Variants in KIAA0586 observed in about 807,000 individuals in gnomAD.
KIAA0586 encodes the protein KIAA0586.
KIAA0586 carries 144 observed loss-of-function variants against 169.8 expected under a neutral mutation model. That is an observed-to-expected ratio of 0.85 (90% CI 0.74 to 0.97). The LOEUF is 0.97. Ranked by LOEUF, KIAA0586 falls within the 50% of genes least tolerant of loss-of-function variation. KIAA0586 has a pLI of 0.00. For synonymous variants in KIAA0586, 625 were observed against 612.4 expected, an observed-to-expected ratio of 1.02 and a Z score of -0.30; for missense variants, 1,854 against 1,823.0, an observed-to-expected ratio of 1.02 and a Z score of -0.31.
chr14:58,533,263 A>T (rs1212348219), intron 29 of KIAA0586, among the ~76,000 whole-genome samples: 1 of 152,246 alleles, frequency 6.6e-6, no homozygotes, highest in East Asian at 1.9e-4. Context: ...AGTTTCCTGA[A>T]ATAGCTTAGC....
At position 58,548,838 on chromosome 14, in the gene KIAA0586, G is replaced by A. The variant is rs898045444; in HGVS notation, c.*906G>A. 3 of 152,274 alleles carry A rather than the reference G, an allele frequency of 2.0e-5. No individual in the cohort carries two copies. Among genetic ancestry groups the A allele is most frequent in the Admixed American group, 6.5e-5 (1 of 15,296 alleles). 9.4% of individuals were successfully genotyped at this position (152,274 alleles called of 1,614,324 possible). The stretch of plus-strand genomic sequence containing the variant: ...ATTGCTTCGTAATCAGATACATGTA[G>A]GTTCTAATCCCAATTCTGTAACTTC... On this transcript the variant is annotated 3_prime_UTR_variant, in exon 31 of 31. Transcript: ENST00000652326.
intron 29 of KIAA0586, among the ~76,000 whole-genome samples, chr14:58,523,242 A>G (rs1292135989): frequency 1.3e-5 from 2 of 152,160 alleles, no homozygotes; most frequent in African/African-American, 4.8e-5. Flanking sequence ...ATACAGAAGC[A>G]TTTTAATTGT....
chr14:58,555,766 A>C (rs567906630), downstream of KIAA0586, among the ~76,000 whole-genome samples: 29 of 152,232 alleles, frequency 1.9e-4, no homozygotes, highest in African/African-American at 6.7e-4. Context: ...TATGAAGAAA[A>C]TGTCTCTGTA....
chr14:58,486,248 C>T (rs2042428926), intron 21 of KIAA0586, among the ~76,000 whole-genome samples: 1 of 152,126 alleles, frequency 6.6e-6, no homozygotes, highest in South Asian at 2.1e-4. Context: ...TTATGGCCTC[C>T]AGCTCCATCC....
intron 3 of KIAA0586, among the ~76,000 whole-genome samples, chr14:58,431,110 G>C (rs1415816024): frequency 6.6e-6 from 1 of 152,020 alleles, no homozygotes; most frequent in Non-Finnish European, 1.5e-5. Flanking sequence ...CATTTATTAC[G>C]TAGTCTTATA....
Position 58,483,416 on chromosome 14 carries a change from A to T in KIAA0586, c.3144+704A>T, listed in dbSNP as rs545307183. Reference sequence around the variant, plus strand: ...TTACAGACATCTTTACCTCAGAAGCATCAGCAGTATCTCCACAGAACAAGT... The same window carrying T: ...TTACAGACATCTTTACCTCAGAAGCTTCAGCAGTATCTCCACAGAACAAGT... On this transcript the variant is annotated intron_variant, in intron 21 of 30. Transcript: ENST00000652326. 5.9e-5 allele frequency among the ~76,000 whole-genome samples: 9 copies of T among 152,336 alleles called. No homozygotes were observed. In the South Asian group the frequency reaches 1.9e-3, roughly 32 times the overall value.
Position 58,487,078 on chromosome 14 carries a change from G to A in KIAA0586, c.3216G>A (p.Glu1072=), listed in dbSNP as rs528416301. The A allele has an allele frequency of 5.0e-6, 8 of 1,613,566 alleles. No individual in the cohort carries two copies. The African/African-American group carries it at 5.3e-5, about 11-fold the overall frequency. Residue 1072 remains glutamate (E), a synonymous_variant, in exon 22 of 31, where the codon GAG becomes GAA. Coordinates refer to ENST00000652326, the MANE Select transcript of KIAA0586 (RefSeq NM_001329943.3). ...GCTCACCTTCATCACCTGCTAAGGAGTGTGTTTTGGTAAAGACTCCAGATT... is the reference window on the plus strand; with the variant it reads ...GCTCACCTTCATCACCTGCTAAGGAATGTGTTTTGGTAAAGACTCCAGATT... ...PPCSPSSPAK[E]CVLVKTPDSS...
chr14:58,560,232 G>T, the KIAA0586 span, among the ~76,000 whole-genome samples: 1 of 151,998 alleles, frequency 6.6e-6, no homozygotes, highest in African/African-American at 2.4e-5. Flanking sequence ...AGGTGATTCT[G>T]ATGGTTAGCT....
intron 30 of KIAA0586, among the ~76,000 whole-genome samples, chr14:58,543,688 A>G (rs1240635423): frequency 6.6e-6 from 1 of 152,152 alleles, no homozygotes; most frequent in Non-Finnish European, 1.5e-5. Flanking sequence ...AGTCAACCAA[A>G]TCTGTCATTT....
chr14:58,513,446 G>A (rs1025657871), intron 29 of KIAA0586, among the ~76,000 whole-genome samples: 1 of 152,004 alleles, frequency 6.6e-6, no homozygotes, highest in Non-Finnish European at 1.5e-5. Context: ...TGCATTTGGT[G>A]TTTTGGGAAG....
chr14:58,427,903 C>A lies in KIAA0586; in HGVS notation c.-362C>A. ...TAGCATTTCGCTTTTATTTGCTTGA[C>A]TGCCTCTTCTCAACAAATTTTAAGC... On this transcript the variant is annotated 5_prime_UTR_variant, in exon 1 of 31. It adds an upstream start codon to the 5' untranslated region. Transcript: ENST00000652326. The A allele has an allele frequency of 7.4e-7, 1 of 1,359,940 alleles. No individual in the cohort carries two copies. Among genetic ancestry groups the A allele is most frequent in the Non-Finnish European group, 9.6e-7 (1 of 1,037,104 alleles). The allele number at this position is 1,359,940 out of a possible 1,614,324, so 84.2% of individuals were successfully genotyped here. A position where few individuals can be genotyped will look rare whatever the true frequency, so the allele number is the denominator to read the frequency against.
intron 29 of KIAA0586, 162 bp from the exon 30 acceptor site, chr14:58,539,909 C>T (rs2046535660): frequency 1.2e-5 from 6 of 500,872 alleles, no homozygotes; most frequent in South Asian, 3.4e-5. Flanking sequence ...GTTTAACTTC[C>T]TTCTTTACAT....
intron 6 of KIAA0586, among the ~76,000 whole-genome samples, chr14:58,447,964 T>A (rs1303095301): frequency 6.6e-6 from 1 of 152,154 alleles, no homozygotes; most frequent in Admixed American, 6.5e-5. Flanking sequence ...AAAGATGGGA[T>A]GTTTTGGTTT....
chr14:58,553,310 C>G (rs2047228421), downstream of KIAA0586, among the ~76,000 whole-genome samples: 1 of 152,002 alleles, frequency 6.6e-6, no homozygotes, highest in Non-Finnish European at 1.5e-5. Context: ...TTGAGTGTTG[C>G]CTGGAGCTAG....
At chr14:58,451,039 A>G (rs1595148321) in intron 8 of KIAA0586, among the ~76,000 whole-genome samples, 2 of 127,810 alleles carry the variant, frequency 1.6e-5, no homozygotes, top group African/African-American at 6.2e-5. Context: ...CCCAGGCTGG[A>G]GTGCAGTGGT....
chr14:58,430,245 T>C (rs1379131312), intron 2 of KIAA0586, among the ~76,000 whole-genome samples: 3 of 152,136 alleles, frequency 2.0e-5, no homozygotes, highest in African/African-American at 7.2e-5. Context: ...TATTGTATAA[T>C]TGAGAATAAA....
At chr14:58,558,992 C>T in the KIAA0586 span, among the ~76,000 whole-genome samples, 1 of 152,190 alleles carries the variant, frequency 6.6e-6, no homozygotes, top group African/African-American at 2.4e-5. Context: ...AGTTCTTAGC[C>T]TTTGGATGCG....
At chr14:58,505,417 C>CCA (rs764830995) in intron 27 of KIAA0586, among the ~76,000 whole-genome samples, 3 of 152,142 alleles carry the variant, frequency 2.0e-5, no homozygotes, top group Non-Finnish European at 4.4e-5. Context: ...GAGTAAGTAT[C>CCA]CACACACACA....
At position 58,470,716 on chromosome 14, in the gene KIAA0586, G is replaced by A; in HGVS notation, c.2546G>A (p.Trp849Ter). The A allele has an allele frequency of 2.0e-6, 3 of 1,527,720 alleles. No individual in the cohort carries two copies. The highest frequency in any genetic ancestry group is 2.2e-5 in the South Asian group (2 of 88,956). 94.6% of individuals were successfully genotyped at this position (1,527,720 alleles called of 1,614,324 possible). A position where few individuals can be genotyped will look rare whatever the true frequency, so the allele number is the denominator to read the frequency against. The change falls in exon 17 of 31, where the codon TGG becomes TAG. Residue 849 changes from tryptophan to a stop codon, truncating the protein, a stop_gained. Coordinates refer to ENST00000652326, the MANE Select transcript of KIAA0586 (RefSeq NM_001329943.3). LOFTEE classifies it high-confidence loss of function. ...GCATCTCTTCCTCCTGTGCAAACTTGGATAAAGGTATATTTCAGAATTTTA... is the reference window on the plus strand; with the variant it reads ...GCATCTCTTCCTCCTGTGCAAACTTAGATAAAGGTATATTTCAGAATTTTA... ...KEASLPPVQT[W>*]IKTPEIMKVD...
Sources: allele counts gnomAD v4.1 joint callset (sites outside exome capture counted in the v4.1 genomes callset), GRCh38; gene constraint gnomAD v4.1.1; transcripts MANE v1.5; gene names NCBI Gene and HGNC (gene_info 2026-07-23, HGNC 2026-07-21).